CX3CL1: variants seen among roughly 807,000 people sequenced by gnomAD.
The protein encoded by CX3CL1 is C-X3-C motif chemokine ligand 1, also known as fractalkine.
CX3CL1 carries 1 observed loss-of-function variant against 14.1 expected under a neutral mutation model. The observed-to-expected ratio is 0.07, with a 90% confidence interval of 0.03 to 0.34. CX3CL1 has a LOEUF of 0.34. Ranked by LOEUF, CX3CL1 falls within the 10% of genes least tolerant of loss-of-function variation. CX3CL1 has a pLI of 0.99. For synonymous variants in CX3CL1, 255 were observed against 229.6 expected (o/e 1.11, Z -1.00); for missense variants, 505 against 536.4 (o/e 0.94, Z 0.58).
At chr16:57,376,817 T>C (rs1180759743) in intron 1 of CX3CL1, among the ~76,000 whole-genome samples, 1 of 152,096 alleles carries the variant, frequency 6.6e-6, no homozygotes, top group Non-Finnish European at 1.5e-5. Flanking sequence ...TGAATATTGA[T>C]TGAGTATCCA....
intron 1 of CX3CL1, among the ~76,000 whole-genome samples, chr16:57,376,741 G>A (rs574508403): frequency 3.3e-5 from 5 of 152,174 alleles, no homozygotes; most frequent in African/African-American, 4.8e-5. Flanking sequence ...GTGGGTGGAC[G>A]GGTGGATGGA....
intron 2 of CX3CL1, among the ~76,000 whole-genome samples, chr16:57,381,393 C>T (rs1332558326): frequency 2.6e-5 from 4 of 152,090 alleles, no homozygotes; most frequent in Non-Finnish European, 4.4e-5. Flanking sequence ...TGGCTCTAGC[C>T]CCTTCTGCCC....
In CX3CL1 at chr16:57,382,114, G is replaced by A. The variant is rs1464763572; in HGVS notation, c.276G>A (p.Gln92=). 11 of 1,614,080 alleles carry A rather than the reference G, an allele frequency of 6.8e-6. No individual in the cohort carries two copies. Among genetic ancestry groups the A allele is most frequent in the Admixed American group, 1.7e-5 (1 of 60,020 alleles). ...VKDAMQHLDR[Q]AAALTRNGGT... Reference sequence around the variant, plus strand: ...ACGCGATGCAGCATCTGGACCGCCAGGCTGCTGCCCTAACTCGAAATGGCG... The same window carrying A: ...ACGCGATGCAGCATCTGGACCGCCAAGCTGCTGCCCTAACTCGAAATGGCG... Residue 92 remains glutamine (Q), a synonymous_variant, in exon 3 of 3, where the codon CAG becomes CAA. Coordinates refer to ENST00000006053, the MANE Select transcript of CX3CL1 (RefSeq NM_002996.6). The surrounding 1 kb of genome is among the most constrained non-coding windows in gnomAD (Gnocchi z 6.9).
chr16:57,375,149 AAAAGAAAG>A (rs1178760647), intron 1 of CX3CL1, among the ~76,000 whole-genome samples: 2 of 123,966 alleles, frequency 1.6e-5, no homozygotes, highest in Admixed American at 1.7e-4. Context: ...AAAAAAAAAA[AAAAGAAAG>A]AAAAGAAAAG....
chr16:57,382,751 G>C lies in CX3CL1; in HGVS notation c.913G>C (p.Gly305Arg). The C allele has an allele frequency of 1.2e-6, 2 of 1,612,148 alleles. No homozygotes were observed. Among genetic ancestry groups the C allele is most frequent in the Non-Finnish European group, 1.7e-6 (2 of 1,179,718 alleles). ...CCCCAGCAGGGAGCCAGTGGCTTCA[G>C]GCAGCTGGACCCCTAAGGCTGAGGA... The part of the protein sequence containing the change: ...GTPSREPVAS[G>R]SWTPKAEEPI... The change falls in exon 3 of 3, where the codon GGC becomes CGC. Residue 305 changes from glycine (G) to arginine (R), a missense_variant. Transcript: ENST00000006053. The surrounding 1 kb of genome is among the most constrained non-coding windows in gnomAD (Gnocchi z 6.9).
intron 2 of CX3CL1, among the ~76,000 whole-genome samples, chr16:57,380,040 G>A (rs1483756840): frequency 6.6e-6 from 1 of 152,194 alleles, no homozygotes; most frequent in African/African-American, 2.4e-5. Flanking sequence ...TTCCTCCTGG[G>A]CTGAAGCACA....
chr16:57,375,328 C>G (rs1200997906), intron 1 of CX3CL1, among the ~76,000 whole-genome samples: 11 of 151,992 alleles, frequency 7.2e-5, no homozygotes, highest in African/African-American at 2.7e-4. Flanking sequence ...AATTTTGCTC[C>G]CCTATGGGCC....
At chr16:57,377,804 A>G (rs1483725048) in intron 1 of CX3CL1, 1 of 152,126 alleles carries the variant, frequency 6.6e-6, no homozygotes, top group Non-Finnish European at 1.5e-5. Context: ...CTTTTGCTGC[A>G]TATAACCTTG....
chr16:57,373,845 T>G (rs1902210408), intron 1 of CX3CL1, among the ~76,000 whole-genome samples: 1 of 152,126 alleles, frequency 6.6e-6, no homozygotes, highest in Non-Finnish European at 1.5e-5. Flanking sequence ...CATCTTTAAA[T>G]ATAGCTATTA....
At chr16:57,374,311 A>T (rs1427118489) in intron 1 of CX3CL1, among the ~76,000 whole-genome samples, 1 of 151,874 alleles carries the variant, frequency 6.6e-6, no homozygotes, top group East Asian at 1.9e-4. Context: ...TCAGTCCCCA[A>T]ATGTGGGTTT....
At position 57,379,668 on chromosome 16, in the gene CX3CL1, G is replaced by A. The variant is rs959710757; in HGVS notation, c.105G>A (p.Thr35=). ...ACGGTGTGACGAAATGCAACATCAC[G>A]TGCAGCAAGATGACATCAAAGATAC... The part of the protein sequence containing the change: ...QHHGVTKCNI[T]CSKMTSKIPV... The change falls in exon 2 of 3, where the codon ACG becomes ACA. Residue 35 remains threonine, a synonymous_variant. Coordinates refer to ENST00000006053, the MANE Select transcript of CX3CL1 (RefSeq NM_002996.6). 2.7e-5 allele frequency: 44 copies of A among 1,614,078 alleles called. No individual in the cohort carries two copies. Among genetic ancestry groups the A allele is most frequent in the Admixed American group, 3.3e-5 (2 of 60,006 alleles).
Position 57,382,342 on chromosome 16 carries a change from G to A in CX3CL1, c.504G>A (p.Arg168=), listed in dbSNP as rs764200214. The change falls in exon 3 of 3, where the codon AGG becomes AGA. Residue 168 remains arginine (R), a synonymous_variant. Transcript: ENST00000006053. The surrounding 1 kb of genome is among the most constrained non-coding windows in gnomAD (Gnocchi z 6.9). ...GCGTGACTGGTTCCTCAGGGACCAG[G>A]CTCCCCCCGACGCCAAAGGCTCAGG... ...PTGVTGSSGT[R]LPPTPKAQDG... 5 of 1,608,220 alleles carry A rather than the reference G, an allele frequency of 3.1e-6. No individual in the cohort carries two copies. The highest frequency in any genetic ancestry group is 1.1e-5 in the South Asian group (1 of 90,654).
intron 1 of CX3CL1, among the ~76,000 whole-genome samples, 179 bp downstream of exon 1, chr16:57,372,817 G>A (rs546317124): frequency 1.5e-4 from 23 of 152,276 alleles, no homozygotes; most frequent in Middle Eastern, 3.4e-3. Context: ...CAGATGCAGC[G>A]CTGGACAGAT....
Position 57,379,577 on chromosome 16 carries a change from T to C in CX3CL1, c.71-57T>C, listed in dbSNP as rs760529974. ...GTGGCCGGGACAATCTGGCACGGGG[T>C]TGGGAAGCCAGATGCCCACAGACAT... On this transcript the variant is annotated intron_variant, in intron 1 of 2. Coordinates refer to ENST00000006053, the MANE Select transcript of CX3CL1 (RefSeq NM_002996.6). The C allele has an allele frequency of 6.8e-6, 11 of 1,610,176 alleles. No homozygotes were observed. In the East Asian group the frequency reaches 2.5e-4, roughly 36 times the overall value.
intron 2 of CX3CL1, among the ~76,000 whole-genome samples, chr16:57,380,424 G>T (rs1283163372): frequency 6.6e-6 from 1 of 152,162 alleles, no homozygotes; most frequent in Non-Finnish European, 1.5e-5. Context: ...CTGGCATGGT[G>T]GTGGGCGCCT....
At chr16:57,379,487 A>G in intron 1 of CX3CL1, 147 bp from the exon 2 acceptor site, 1 of 836,610 alleles carries the variant, frequency 1.2e-6, no homozygotes, top group Non-Finnish European at 1.8e-6. Context: ...TTGGCAGGGG[A>G]GGGAGGCTGA....
chr16:57,372,943 C>T (rs183419), intron 1 of CX3CL1, among the ~76,000 whole-genome samples: 128,621 of 151,992 alleles, frequency 0.85, 54,915 homozygotes, highest in African/African-American at 0.96. Flanking sequence ...GCCAGGAGGG[C>T]GGGGGTGGAG....
chr16:57,372,783 G>C lies in CX3CL1; in HGVS notation c.70+145G>C, dbSNP rs367908467. The C allele has an allele frequency of 2.7e-5, 20 of 752,748 alleles. No individual in the cohort carries two copies. In the East Asian group the frequency reaches 3.0e-4, roughly 11 times the overall value. 46.6% of individuals were successfully genotyped at this position (752,748 alleles called of 1,614,324 possible). A position where few individuals can be genotyped will look rare whatever the true frequency, so the allele number is the denominator to read the frequency against. ...GCCGCTTCCCCAGGGATGTGCGAGA[G>C]GGGGCTGGGCACCTCGCTTCCCCCA... is the stretch of plus-strand genomic sequence containing the variant. On this transcript the variant is annotated intron_variant, in intron 1 of 2. Coordinates refer to ENST00000006053, the MANE Select transcript of CX3CL1 (RefSeq NM_002996.6).
intron 2 of CX3CL1, among the ~76,000 whole-genome samples, chr16:57,381,262 T>G (rs1390125429): frequency 4.6e-5 from 7 of 152,166 alleles, no homozygotes; most frequent in African/African-American, 1.7e-4. Context: ...GGCCGTGGCA[T>G]GGAGCCAGGG....
Sources: allele counts gnomAD v4.1 joint callset (sites outside exome capture counted in the v4.1 genomes callset), GRCh38; gene constraint gnomAD v4.1.1; non-coding constraint Gnocchi (gnomAD v3.1); transcripts MANE v1.5; gene names NCBI Gene and HGNC (gene_info 2026-07-23, HGNC 2026-07-21).